KPNA7: variants seen among roughly 807,000 people sequenced by gnomAD.
KPNA7 encodes karyopherin subunit alpha 7, also known as importin subunit alpha-8.
A neutral mutation model predicts 53.7 loss-of-function variants in KPNA7; 54 were observed. The observed-to-expected ratio is 1.01, with a 90% CI of 0.81 to 1.26. KPNA7 has a LOEUF of 1.26. Ranked by LOEUF, KPNA7 falls within the 50% of genes most tolerant of loss-of-function variation. The probability of loss-of-function intolerance (pLI) is 0.00; values close to 1 mark genes in which losing one functional copy is unlikely to be tolerated. For synonymous variants in KPNA7, 276 were observed against 259.3 expected (o/e 1.06, Z -0.62); for missense variants, 640 against 644.5 (o/e 0.99, Z 0.07).
chr7:99,207,654 G>A lies in KPNA7; in HGVS notation c.-23-165C>T, dbSNP rs867385593. 9.4e-4 allele frequency: 339 copies of A among 359,250 alleles called. 2 individuals carry two copies. Among genetic ancestry groups the A allele is most frequent in the African/African-American group, 7.8e-3 (152 of 19,600 alleles). 22.3% of individuals were successfully genotyped at this position (359,250 alleles called of 1,614,324 possible). A position where few individuals can be genotyped will look rare whatever the true frequency, so the allele number is the denominator to read the frequency against. On this transcript the variant is annotated intron_variant, in intron 1 of 10. Coordinates refer to ENST00000327442, the MANE Select transcript of KPNA7 (RefSeq NM_001145715.3). ...TTTTTTTTTTTTTTTTTTTTTTTTT[G>A]AGACAGAGTCTCGCTCTGTTGCCCA...
chr7:99,207,307 A>T, intron 2 of KPNA7, 94 bp downstream of exon 2: 1 of 1,001,380 alleles, frequency 1.0e-6, no homozygotes, highest in Non-Finnish European at 1.5e-6. Context: ...TGTTGGGATT[A>T]CAGGCATGAG....
intron 1 of KPNA7, among the ~76,000 whole-genome samples, 56 bp downstream of exon 1, chr7:99,207,972 G>A (rs1157841970): frequency 6.6e-6 from 1 of 151,814 alleles, no homozygotes; most frequent in Non-Finnish European, 1.5e-5. Context: ...AGCTGAGTGA[G>A]AGTTAGAACC....
the KPNA7 span, among the ~76,000 whole-genome samples, chr7:99,154,281 A>C: frequency 6.6e-6 from 1 of 151,872 alleles, no homozygotes; most frequent in Non-Finnish European, 1.5e-5. Flanking sequence ...GGTGCCCGCC[A>C]CCACACCTGG....
intron 9 of KPNA7, 81 bp downstream of exon 9, chr7:99,181,802 T>G: frequency 7.9e-7 from 1 of 1,263,718 alleles, no homozygotes; most frequent in Non-Finnish European, 1.1e-6. Flanking sequence ...AAAGTACAAC[T>G]TGAATTTTAA....
chr7:99,198,306 C>A (rs1790331953), intron 3 of KPNA7, among the ~76,000 whole-genome samples: 1 of 151,928 alleles, frequency 6.6e-6, no homozygotes, highest in Admixed American at 6.6e-5. Flanking sequence ...TACTCTGATA[C>A]CAAACCAAGG....
the KPNA7 span, among the ~76,000 whole-genome samples, chr7:99,163,359 G>GTGTATATATATATATATA: frequency 1.1e-3 from 70 of 66,360 alleles, 1 homozygote; most frequent in Non-Finnish European, 1.3e-3. Context: ...ATGAGTGTGT[G>GTGTATATATATATATATA]TATATATATA....
chr7:99,207,335 T>G, intron 2 of KPNA7, 66 bp downstream of exon 2: 1 of 1,417,452 alleles, frequency 7.1e-7, no homozygotes, highest in Non-Finnish European at 9.7e-7. Flanking sequence ...GCCTGGTCTC[T>G]TCACCCCGCT....
At chr7:99,168,265 C>T in the KPNA7 span, among the ~76,000 whole-genome samples, 1 of 152,204 alleles carries the variant, frequency 6.6e-6, no homozygotes, top group Non-Finnish European at 1.5e-5. Context: ...ATACTTAGGT[C>T]CTACCCCCCA....
chr7:99,166,238 A>T, the KPNA7 span, among the ~76,000 whole-genome samples: 1 of 152,182 alleles, frequency 6.6e-6, no homozygotes, highest in East Asian at 1.9e-4. Context: ...GGTACACATC[A>T]GCATGCCCAG....
intron 8 of KPNA7, among the ~76,000 whole-genome samples, chr7:99,182,372 T>C (rs983252483): frequency 5.9e-5 from 9 of 152,182 alleles, no homozygotes; most frequent in Non-Finnish European, 8.8e-5. Flanking sequence ...TAATTTTTTA[T>C]ATTTTTAGTA....
In KPNA7 at chr7:99,174,449, C is replaced by A. The variant is rs555496989; in HGVS notation, c.1465-655G>T. Among the ~76,000 whole-genome samples the A allele has an allele frequency of 8.7e-4, 132 of 152,274 alleles. 1 individual carries two copies. Among genetic ancestry groups the A allele is most frequent in the Admixed American group, 1.1e-3 (17 of 15,276 alleles). The stretch of plus-strand genomic sequence containing the variant: ...TTGAATCATCCCGAAACCATCCCCT[C>A]ACCCCCCAGCCTGTGGAAAATTTGT... On this transcript the variant is annotated intron_variant, in intron 10 of 10. Coordinates refer to ENST00000327442, the MANE Select transcript of KPNA7 (RefSeq NM_001145715.3).
chr7:99,185,317 CA>C (rs1411013181), intron 7 of KPNA7, among the ~76,000 whole-genome samples, 155 bp from the exon 8 acceptor site: 1 of 152,070 alleles, frequency 6.6e-6, no homozygotes, highest in Non-Finnish European at 1.5e-5. Context: ...GATCATTATT[CA>C]ATTCATCCAT....
upstream of KPNA7, among the ~76,000 whole-genome samples, chr7:99,211,914 G>A (rs1463984954): frequency 1.3e-5 from 2 of 152,156 alleles, no homozygotes; most frequent in South Asian, 2.1e-4. Flanking sequence ...GAGAGGTGGA[G>A]GGTGACACCT....
chr7:99,207,320 A>G (rs1157707606), intron 2 of KPNA7, 81 bp downstream of exon 2: 1 of 1,191,298 alleles, frequency 8.4e-7, no homozygotes, highest in Non-Finnish European at 1.2e-6. Context: ...GGCATGAGCC[A>G]CCGCGCCTGG....
intron 1 of KPNA7, among the ~76,000 whole-genome samples, chr7:99,214,440 C>CT (rs1281755456): frequency 1.4e-5 from 2 of 146,266 alleles, no homozygotes; most frequent in African/African-American, 5.0e-5. Context: ...AAGACCCTAT[C>CT]TCAAAAAAAA....
At chr7:99,173,906 C>G (rs892990992) in intron 10 of KPNA7, 112 bp from the exon 11 acceptor site, 1 of 649,508 alleles carries the variant, frequency 1.5e-6, no homozygotes, top group South Asian at 2.0e-5. Flanking sequence ...CATGTTTAAG[C>G]AGGTAGCTTA....
Position 99,185,092 on chromosome 7 carries a change from G to A in KPNA7, c.971C>T (p.Ala324Val), listed in dbSNP as rs1429328077. The A allele has an allele frequency of 7.7e-6, 12 of 1,551,954 alleles. No individual in the cohort carries two copies. Among genetic ancestry groups the A allele is most frequent in the Admixed American group, 3.9e-5 (2 of 50,972 alleles). The change falls in exon 8 of 11, where the codon GCG becomes GTG. Residue 324 changes from alanine (A) to valine (V), a missense_variant. Coordinates refer to ENST00000327442, the MANE Select transcript of KPNA7 (RefSeq NM_001145715.3). ...CTGGGGGAGCACGTTCAGCATACCC[G>A]CATCAATGGCCATCTGCGTCTGCTC... ...TDEQTQMAIDAGMLNVLPQLL... is the reference protein window; with the variant it reads ...TDEQTQMAIDVGMLNVLPQLL...
intron 1 of KPNA7, among the ~76,000 whole-genome samples, chr7:99,214,819 G>A (rs1349419057): frequency 6.6e-6 from 1 of 151,656 alleles, no homozygotes; most frequent in East Asian, 2.0e-4. Context: ...TGAGATGTTA[G>A]AAAGGAGGAA....
chr7:99,147,048 G>T, the KPNA7 span, among the ~76,000 whole-genome samples: 1 of 152,148 alleles, frequency 6.6e-6, no homozygotes, highest in Non-Finnish European at 1.5e-5. Context: ...TTTCACCACA[G>T]CTGCACAAAG....
Sources: gnomAD v4.1 joint callset for allele counts (sites outside exome capture counted in the v4.1 genomes callset) on GRCh38, gnomAD v4.1.1 for gene constraint, MANE v1.5 for transcripts, NCBI Gene and HGNC (gene_info 2026-07-23, HGNC 2026-07-21) for gene names.